Variants in CHST3 observed in about 807,000 individuals in gnomAD.
CHST3 encodes the protein C6ST-1.
CHST3 carries 20 observed loss-of-function variants against 35.4 expected under a neutral mutation model. That is an observed-to-expected ratio of 0.57 (90% CI 0.40 to 0.82). CHST3 has a LOEUF of 0.82. CHST3 is among the 40% of genes least tolerant of loss of function. CHST3 has a pLI of 0.00. For missense variants in CHST3, 693 were observed against 670.1 expected (o/e 1.03, Z -0.38); for synonymous variants, 334 against 295.9 (o/e 1.13, Z -1.32).
rs1564534795 is a variant in CHST3, at chr10:72,012,970, A to G, written c.*4499A>G. ...GCACCCCGTAACTGGACTGGGGACA[A>G]ATTTGTTACGTGTTTCCAAGGCTAC... On this transcript the variant is annotated 3_prime_UTR_variant, in exon 3 of 3. Transcript: ENST00000373115. 1 of 152,194 alleles carries G rather than the reference A, an allele frequency of 6.6e-6. No individual in the cohort carries two copies. The highest frequency in any genetic ancestry group is 6.5e-5 in the Admixed American group (1 of 15,286). The allele number at this position is 152,194 out of a possible 1,614,324, so 9.4% of individuals were successfully genotyped here. A position where few individuals can be genotyped will look rare whatever the true frequency, so the allele number is the denominator to read the frequency against.
intron 1 of CHST3, among the ~76,000 whole-genome samples, chr10:72,003,531 CT>C (rs1428393318): frequency 1.3e-5 from 2 of 152,052 alleles, no homozygotes; most frequent in African/African-American, 4.8e-5. Flanking sequence ...GAAACCCCAT[CT>C]CTACCAAAAA....
At chr10:71,988,281 G>A (rs552201949) in intron 1 of CHST3, among the ~76,000 whole-genome samples, 2 of 152,318 alleles carry the variant, frequency 1.3e-5, no homozygotes, top group East Asian at 3.9e-4. Flanking sequence ...CCTAAAGTAG[G>A]GGTAATAAGT....
In CHST3 at chr10:72,008,786, C is replaced by A. The variant is rs926356178; in HGVS notation, c.*315C>A. On this transcript the variant is annotated 3_prime_UTR_variant, in exon 3 of 3. Coordinates refer to ENST00000373115, the MANE Select transcript of CHST3 (RefSeq NM_004273.5). ...GAAACATACATTCGTGCCTGGAGAC[C>A]CTGCAGGCCAGAGTCCAAATATTTA... The A allele has an allele frequency of 3.5e-6, 1 of 283,078 alleles. No individual in the cohort carries two copies. Among genetic ancestry groups the A allele is most frequent in the Non-Finnish European group, 6.6e-6 (1 of 152,520 alleles). The allele number at this position is 283,078 out of a possible 1,614,324, so 17.5% of individuals were successfully genotyped here.
chr10:71,994,319 C>T (rs1054749265), intron 1 of CHST3, among the ~76,000 whole-genome samples: 9 of 151,886 alleles, frequency 5.9e-5, no homozygotes, highest in African/African-American at 1.5e-4. Flanking sequence ...GTCAAAATTA[C>T]TCCTTGATCC....
At chr10:71,982,866 CG>C (rs1251461449) in intron 1 of CHST3, among the ~76,000 whole-genome samples, 3 of 152,230 alleles carry the variant, frequency 2.0e-5, no homozygotes, top group Non-Finnish European at 2.9e-5. Context: ...AGATGAAGTA[CG>C]GGGGCCAGGC....
At chr10:71,993,916 A>G (rs1035311215) in intron 1 of CHST3, among the ~76,000 whole-genome samples, 6 of 152,196 alleles carry the variant, frequency 3.9e-5, no homozygotes, top group African/African-American at 1.2e-4. Context: ...CCTGGCCAAC[A>G]TGATGAAACC....
chr10:71,997,665 A>C (rs1839953503), intron 1 of CHST3, among the ~76,000 whole-genome samples: 1 of 151,182 alleles, frequency 6.6e-6, no homozygotes, highest in African/African-American at 2.4e-5. Flanking sequence ...CAATGTAGAG[A>C]GACCCTGTCT....
At chr10:72,005,602 A>G (rs1840030499) in intron 1 of CHST3, 134 bp from the exon 2 acceptor site, 1 of 581,310 alleles carries the variant, frequency 1.7e-6, no homozygotes, top group Non-Finnish European at 3.1e-6. Flanking sequence ...TCTCTGGGGC[A>G]CAGTCTGTCT....
chr10:71,965,834 C>T (rs1839627568), intron 1 of CHST3, among the ~76,000 whole-genome samples: 2 of 152,264 alleles, frequency 1.3e-5, no homozygotes, highest in African/African-American at 4.8e-5. Flanking sequence ...AGGAGCCCTG[C>T]CTGATCTGCT....
intron 1 of CHST3, among the ~76,000 whole-genome samples, chr10:71,986,899 G>A (rs1009584059): frequency 3.3e-5 from 5 of 152,114 alleles, no homozygotes; most frequent in Non-Finnish European, 2.9e-5. Flanking sequence ...CCCAATTTTC[G>A]GAGCTCACAC....
chr10:71,997,207 C>T (rs1839949809), intron 1 of CHST3, among the ~76,000 whole-genome samples: 3 of 152,078 alleles, frequency 2.0e-5, no homozygotes, highest in Non-Finnish European at 4.4e-5. Context: ...TAAACATCAA[C>T]CCCCCGGCCC....
chr10:71,974,544 T>TG (rs370003745), intron 1 of CHST3, among the ~76,000 whole-genome samples: 27 of 152,156 alleles, frequency 1.8e-4, no homozygotes, highest in African/African-American at 6.0e-4. Flanking sequence ...TGTGGGTCCC[T>TG]GGGGCAGGGT....
Position 71,964,943 on chromosome 10 carries a change from G to C in CHST3, c.-108+249G>C, listed in dbSNP as rs534705083. 7.2e-4 allele frequency among the ~76,000 whole-genome samples: 109 copies of C among 152,360 alleles called. 2 individuals carry two copies. The highest frequency in any genetic ancestry group is 2.5e-3 in the African/African-American group (105 of 41,592). On this transcript the variant is annotated intron_variant, in intron 1 of 2. Transcript: ENST00000373115. The stretch of plus-strand genomic sequence containing the variant: ...CCACTCATACCCCGCACACGGCGCA[G>C]GCTGATCTGCGCACACCCACACCGG...
At chr10:72,006,770 G>A (rs985519679) in intron 2 of CHST3, among the ~76,000 whole-genome samples, 3 of 152,298 alleles carry the variant, frequency 2.0e-5, no homozygotes, top group Non-Finnish European at 4.4e-5. Flanking sequence ...GGGTCACTGA[G>A]CAAGGACCGT....
At position 72,007,237 on chromosome 10, in the gene CHST3, T is replaced by G. The variant is rs1840047741; in HGVS notation, c.206T>G (p.Leu69Arg). 6.2e-7 allele frequency: 1 copy of G among 1,614,130 alleles called. No individual in the cohort carries two copies. The change falls in exon 3 of 3, where the codon CTG (leucine) becomes CGG (arginine). Residue 69 changes from leucine to arginine, a missense_variant. Transcript: ENST00000373115. The part of the protein sequence containing the change: ...LADANSTDPA[L>R]ILAENASLLS... Reference sequence around the variant, plus strand: ...GATGCCAACAGCACCGACCCAGCCCTGATCTTAGCTGAGAACGCATCTCTC... The same window carrying G: ...GATGCCAACAGCACCGACCCAGCCCGGATCTTAGCTGAGAACGCATCTCTC...
At position 72,008,589 on chromosome 10, in the gene CHST3, G is replaced by C; in HGVS notation, c.*118G>C. The C allele has an allele frequency of 7.0e-7, 1 of 1,434,474 alleles. No homozygotes were observed. The highest frequency in any genetic ancestry group is 1.5e-5 in the South Asian group (1 of 66,794). 88.9% of individuals were successfully genotyped at this position (1,434,474 alleles called of 1,614,324 possible). On this transcript the variant is annotated 3_prime_UTR_variant, in exon 3 of 3. Transcript: ENST00000373115. Reference sequence around the variant, plus strand: ...GCGGGCAGCGCCTCCTGTAGCAGTAGGGCCCCCAGCCAGCGCTCCAGCCAA... The same window carrying C: ...GCGGGCAGCGCCTCCTGTAGCAGTACGGCCCCCAGCCAGCGCTCCAGCCAA...
chr10:71,973,957 C>A (rs905080576), intron 1 of CHST3, among the ~76,000 whole-genome samples: 2 of 152,190 alleles, frequency 1.3e-5, no homozygotes, highest in Non-Finnish European at 2.9e-5. Context: ...GGCTCTAGAG[C>A]CGGGCTGCCT....
intron 1 of CHST3, among the ~76,000 whole-genome samples, chr10:71,987,159 A>C (rs1191394552): frequency 6.6e-6 from 1 of 152,078 alleles, no homozygotes; most frequent in East Asian, 1.9e-4. Context: ...ACACATGCGG[A>C]CCAAGCCTCC....
chr10:71,967,495 G>A (rs1239940768), intron 1 of CHST3, among the ~76,000 whole-genome samples: 1 of 152,212 alleles, frequency 6.6e-6, no homozygotes, highest in African/African-American at 2.4e-5. Context: ...TTGCTGCAAA[G>A]GACATGATCT....
Sources: gnomAD v4.1 joint callset for allele counts (sites outside exome capture counted in the v4.1 genomes callset) on GRCh38, gnomAD v4.1.1 for gene constraint, MANE v1.5 for transcripts, NCBI Gene and HGNC (gene_info 2026-07-23, HGNC 2026-07-21) for gene names.